Variants in OSBP2 observed in about 807,000 individuals in gnomAD.
OSBP2 encodes oxysterol binding protein 2.
OSBP2 carries 66 observed loss-of-function variants against 96.0 expected under a neutral mutation model. The observed-to-expected ratio is 0.69, with a 90% CI of 0.56 to 0.84. The LOEUF is 0.84. OSBP2 is among the 40% of genes least tolerant of loss of function. OSBP2 has a pLI of 0.00. For synonymous variants in OSBP2, 525 were observed against 520.9 expected (o/e 1.01, Z -0.11); for missense variants, 1,038 against 1,222.7 (o/e 0.85, Z 2.25).
At chr22:30,709,420 G>A (rs934101019) in intron 1 of OSBP2, among the ~76,000 whole-genome samples, 9 of 152,154 alleles carry the variant, frequency 5.9e-5, no homozygotes, top group African/African-American at 1.9e-4. Context: ...AGGTGGTGGT[G>A]TGTTCTTCCA....
chr22:30,787,146 A>G (rs562905669), intron 2 of OSBP2, among the ~76,000 whole-genome samples: 76 of 152,254 alleles, frequency 5.0e-4, no homozygotes, highest in African/African-American at 1.8e-3. Flanking sequence ...GTCCGTTCTC[A>G]CACTGCTAAT....
chr22:30,889,743 A>T, intron 7 of OSBP2, 107 bp downstream of exon 7: 4 of 1,060,640 alleles, frequency 3.8e-6, no homozygotes, highest in Non-Finnish European at 5.6e-6. Flanking sequence ...TTGGAGTGTC[A>T]TTTTCTTAAC....
chr22:30,776,151 G>T, intron 2 of OSBP2, among the ~76,000 whole-genome samples: 1 of 150,278 alleles, frequency 6.7e-6, no homozygotes, highest in African/African-American at 2.5e-5. Context: ...CTTGAGACAG[G>T]GTCTCACTCT....
intron 1 of OSBP2, among the ~76,000 whole-genome samples, chr22:30,719,809 C>T (rs953575126): frequency 4.0e-5 from 6 of 151,500 alleles, no homozygotes; most frequent in Non-Finnish European, 8.8e-5. Flanking sequence ...TAGCTTGAGG[C>T]CAGGAGTTCA....
chr22:30,822,530 TCCGCCGGG>T, intron 2 of OSBP2: 1 of 1,376,950 alleles, frequency 7.3e-7, no homozygotes. Context: ...GTCCGCCGCC[TCCGCCGGG>T]CGGCCCACCG....
chr22:30,867,200 A>T (rs1418630836), intron 2 of OSBP2, among the ~76,000 whole-genome samples: 1 of 152,014 alleles, frequency 6.6e-6, no homozygotes, highest in Non-Finnish European at 1.5e-5. Context: ...CTGTCCCTCT[A>T]TCCGCCTGTG....
At chr22:30,798,453 T>C (rs2090796553) in intron 2 of OSBP2, among the ~76,000 whole-genome samples, 1 of 152,260 alleles carries the variant, frequency 6.6e-6, no homozygotes, top group Admixed American at 6.5e-5. Context: ...TCTATTTTTG[T>C]TATCGTCTGT....
intron 1 of OSBP2, among the ~76,000 whole-genome samples, chr22:30,718,021 C>G: frequency 6.6e-6 from 1 of 152,170 alleles, no homozygotes; most frequent in Middle Eastern, 3.2e-3. Context: ...CAGGCCAGGT[C>G]TCCTTCAGGC....
chr22:30,830,337 G>C (rs2038494821), intron 2 of OSBP2, among the ~76,000 whole-genome samples: 1 of 152,220 alleles, frequency 6.6e-6, no homozygotes, highest in African/African-American at 2.4e-5. Flanking sequence ...ACTGGGTGGT[G>C]TGTCAAGGCG....
intron 2 of OSBP2, among the ~76,000 whole-genome samples, chr22:30,801,548 A>G (rs1400654788): frequency 4.6e-5 from 7 of 152,194 alleles, no homozygotes; most frequent in African/African-American, 9.6e-5. Flanking sequence ...TTGGACAGCA[A>G]TTATTAACCT....
intron 2 of OSBP2, among the ~76,000 whole-genome samples, chr22:30,742,426 A>G (rs897828703): frequency 3.9e-5 from 6 of 151,952 alleles, no homozygotes; most frequent in Non-Finnish European, 7.4e-5. Context: ...AAAAAAAAGT[A>G]ATATTTTAAC....
intron 2 of OSBP2, among the ~76,000 whole-genome samples, chr22:30,760,493 TA>T (rs2090193298): frequency 6.6e-6 from 1 of 152,226 alleles, no homozygotes; most frequent in East Asian, 1.9e-4. Context: ...GAGTGCAAGA[TA>T]GGTGCAAGAT....
rs781215637 is a variant in OSBP2, at chr22:30,695,097, G to T, written c.188G>T (p.Gly63Val). 1.9e-6 allele frequency: 3 copies of T among 1,581,352 alleles called. No individual in the cohort carries two copies. The highest frequency in any genetic ancestry group is 3.6e-5 in the Admixed American group (2 of 56,144). The change falls in exon 1 of 14, where the codon GGA becomes GTA. Residue 63 changes from glycine to valine, a missense_variant. Transcript: ENST00000332585. ...CAGCCCGTGCCCGAACCGGAGCGGG[G>T]ACCGCTGTCAGAACAGGTGTCGGAG... ...QPQPVPEPER[G>V]PLSEQVSEAV...
chr22:30,879,546 G>A (rs1031665017), intron 3 of OSBP2, among the ~76,000 whole-genome samples: 3 of 152,104 alleles, frequency 2.0e-5, no homozygotes, highest in Admixed American at 1.3e-4. Context: ...TGAGGAGCAG[G>A]CCCTGGAAGC....
chr22:30,807,274 T>C (rs2090941145), intron 2 of OSBP2, among the ~76,000 whole-genome samples: 1 of 152,186 alleles, frequency 6.6e-6, no homozygotes, highest in Admixed American at 6.5e-5. Flanking sequence ...TCTGGGGTCA[T>C]GCCCTGTTCA....
At chr22:30,705,281 TTTGTTGTTG>T (rs58817033) in intron 1 of OSBP2, among the ~76,000 whole-genome samples, 13 of 150,388 alleles carry the variant, frequency 8.6e-5, no homozygotes, top group South Asian at 2.1e-4. Context: ...CCCCAGTATT[TTTGTTGTTG>T]TTGTTGTTGT....
At chr22:30,896,945 G>C (rs1569173172) in intron 12 of OSBP2, among the ~76,000 whole-genome samples, 1 of 152,132 alleles carries the variant, frequency 6.6e-6, no homozygotes, top group Non-Finnish European at 1.5e-5. Flanking sequence ...ACCATGCCCG[G>C]CCTAACTGGA....
chr22:30,807,709 C>T (rs1332407830), intron 2 of OSBP2, among the ~76,000 whole-genome samples: 1 of 152,218 alleles, frequency 6.6e-6, no homozygotes, highest in African/African-American at 2.4e-5. Context: ...TCCTTCCTCC[C>T]CTGAGCTTCC....
chr22:30,814,003 T>C (rs2091048480), intron 2 of OSBP2, among the ~76,000 whole-genome samples: 3 of 152,094 alleles, frequency 2.0e-5, no homozygotes, highest in African/African-American at 7.2e-5. Flanking sequence ...GGTTTCACTA[T>C]GTTGACCAGG....
Sources: allele counts gnomAD v4.1 joint callset (sites outside exome capture counted in the v4.1 genomes callset), GRCh38; gene constraint gnomAD v4.1.1; transcripts MANE v1.5; gene names NCBI Gene and HGNC (gene_info 2026-07-23, HGNC 2026-07-21).